SKP1: variants seen among roughly 807,000 people sequenced by gnomAD.
SKP1 encodes S-phase kinase-associated protein 1.
Under a neutral mutation model 21.5 loss-of-function variants are expected in SKP1, and 1 was observed. That is an observed-to-expected ratio of 0.05 (90% CI 0.02 to 0.22). The LOEUF (loss-of-function observed/expected upper bound fraction) is 0.22. Among genes scored for constraint, SKP1 ranks in the 10% least tolerant of loss-of-function variants. SKP1 has a pLI of 1.00. For missense variants in SKP1, 70 were observed against 192.0 expected, an observed-to-expected ratio of 0.36 and a Z score of 3.76; for synonymous variants, 59 against 59.3, an observed-to-expected ratio of 0.99 and a Z score of 0.03.
At chr5:134,157,797 T>A in intron 5 of SKP1, 29 bp from the exon 6 acceptor site, 1 of 1,613,036 alleles carries the variant, frequency 6.2e-7, no homozygotes, top group Non-Finnish European at 8.5e-7. Flanking sequence ...GGGAAGTACC[T>A]TAACTTGAGT....
chr5:134,157,873 G>C, intron 5 of SKP1, 105 bp from the exon 6 acceptor site: 3 of 1,605,184 alleles, frequency 1.9e-6, no homozygotes, highest in Non-Finnish European at 2.6e-6. Flanking sequence ...TGAGTCAGAA[G>C]AACAGATGGA....
At chr5:134,157,909 C>G (rs771107460) in intron 5 of SKP1, 141 bp from the exon 6 acceptor site, 1 of 1,569,594 alleles carries the variant, frequency 6.4e-7, no homozygotes, top group South Asian at 1.1e-5. Context: ...CAGGTTAAGA[C>G]TATATTTCCG....
intron 5 of SKP1, chr5:134,158,131 C>A: frequency 7.3e-7 from 1 of 1,377,848 alleles, no homozygotes; most frequent in Non-Finnish European, 9.4e-7. Context: ...CTAGTATATA[C>A]TTCTCTCTAG....
At chr5:134,164,944 C>T (rs902482317) in intron 3 of SKP1, among the ~76,000 whole-genome samples, 11 of 151,476 alleles carry the variant, frequency 7.3e-5, no homozygotes, top group African/African-American at 2.7e-4. Context: ...TACAAAAGGA[C>T]TAATATTGTA....
Position 134,150,866 on chromosome 5 carries a change from G to A in SKP1, c.*6867C>T, listed in dbSNP as rs80343491. ...GTGAGCATCTGAAAATACTCAAAAC[G>A]GCACCGAGTTTGAAAACAGGAAACA... On this transcript the variant is annotated 3_prime_UTR_variant, in exon 6 of 6. Coordinates refer to ENST00000353411, the MANE Select transcript of SKP1 (RefSeq NM_170679.3). The A allele has an allele frequency of 2.0e-5, 3 of 152,258 alleles. No individual in the cohort carries two copies. Among genetic ancestry groups the A allele is most frequent in the South Asian group, 2.1e-4 (1 of 4,824 alleles). The allele number at this position is 152,258 out of a possible 1,614,324, so 9.4% of individuals were successfully genotyped here.
chr5:134,168,359 T>C (rs1761373012), intron 2 of SKP1, among the ~76,000 whole-genome samples: 1 of 151,948 alleles, frequency 6.6e-6, no homozygotes, highest in Admixed American at 6.6e-5. Context: ...ACACTAAAAA[T>C]ACTAAAAATG....
rs201893651 is a variant in SKP1 at position 134,174,019 on chromosome 5, G to T, written c.4C>A (p.Pro2Thr). 1.9e-6 allele frequency: 3 copies of T among 1,579,316 alleles called. No individual in the cohort carries two copies. Among genetic ancestry groups the T allele is most frequent in the Non-Finnish European group, 2.6e-6 (3 of 1,151,106 alleles). The change falls in exon 2 of 6, where the codon CCT (proline) becomes ACT (threonine). Residue 2 changes from proline to threonine, a missense_variant. Around this residue, in one of 4 missense-constraint regions of SKP1, gnomAD observed 21 missense variants for 23.4 expected, o/e 0.90. Coordinates refer to ENST00000353411, the MANE Select transcript of SKP1 (RefSeq NM_170679.3). Reference sequence around the variant, plus strand: ...TCAGAACTCTGCAACTTAATTGAAGGCATCTAAAAAAAAAGGACATTAAAT... The same window carrying T: ...TCAGAACTCTGCAACTTAATTGAAGTCATCTAAAAAAAAAGGACATTAAAT... M[P>T]SIKLQSSDGE... is the part of the protein sequence containing the mutation.
intron 1 of SKP1, chr5:134,174,866 ATTCT>A (rs1761508943): frequency 6.6e-6 from 1 of 152,116 alleles, no homozygotes; most frequent in Non-Finnish European, 1.5e-5. Context: ...CCATCTTCAA[ATTCT>A]TTTTTTAAAA....
At chr5:134,173,453 T>G (rs1248723629) in intron 2 of SKP1, 3 of 292,466 alleles carry the variant, frequency 1.0e-5, no homozygotes, top group Non-Finnish European at 2.0e-5. Flanking sequence ...ACTGCATCAC[T>G]GCACTCCAGC....
In SKP1 at chr5:134,150,965, CTCTTA is replaced by C. The variant is rs1204436875; in HGVS notation, c.*6763_*6767del. 1.3e-5 allele frequency: 2 copies of C among 152,318 alleles called. No homozygotes were observed. Among genetic ancestry groups the C allele is most frequent in the African/African-American group, 4.8e-5 (2 of 41,564 alleles). The allele number at this position is 152,318 out of a possible 1,614,324, so 9.4% of individuals were successfully genotyped here. ...GCTCAGGTCAGGAAGGATTTTCAAG[CTCTTA>C]AAGATAGCATGGGATTAGGCATGTT... On this transcript the variant is annotated 3_prime_UTR_variant, in exon 6 of 6. Coordinates refer to ENST00000353411, the MANE Select transcript of SKP1 (RefSeq NM_170679.3).
rs1290253981 is a variant in SKP1, at chr5:134,152,865, C to T, written c.*4868G>A. On this transcript the variant is annotated 3_prime_UTR_variant, in exon 6 of 6. Coordinates refer to ENST00000353411, the MANE Select transcript of SKP1 (RefSeq NM_170679.3). ...CAGGAACATTTTTATTAGAGTTATC[C>T]ACTCCCTCCCAGCAGTATTTATGCC... 1 of 152,256 alleles carries T rather than the reference C, an allele frequency of 6.6e-6. No homozygotes were observed. Among genetic ancestry groups the T allele is most frequent in the African/African-American group, 2.4e-5 (1 of 41,412 alleles). The allele number at this position is 152,256 out of a possible 1,614,324, so 9.4% of individuals were successfully genotyped here. A position where few individuals can be genotyped will look rare whatever the true frequency, so the allele number is the denominator to read the frequency against.
chr5:134,162,168 C>T lies in SKP1; in HGVS notation c.172-1038G>A, dbSNP rs1041786410. Among the ~76,000 whole-genome samples, 5 of 152,120 alleles carry T rather than the reference C, an allele frequency of 3.3e-5. No homozygotes were observed. In the East Asian group the frequency reaches 5.8e-4, roughly 18 times the overall value. On this transcript the variant is annotated intron_variant, in intron 3 of 5. Transcript: ENST00000353411. ...TGTCACCCAGGCTGGAATGCAGTGCCGCGATCATGGCTCACTCGACCTCCT... is the reference window on the plus strand; with the variant it reads ...TGTCACCCAGGCTGGAATGCAGTGCTGCGATCATGGCTCACTCGACCTCCT...
Position 134,151,754 on chromosome 5 carries a change from C to T in SKP1, c.*5979G>A, listed in dbSNP as rs1418018482. On this transcript the variant is annotated 3_prime_UTR_variant, in exon 6 of 6. Coordinates refer to ENST00000353411, the MANE Select transcript of SKP1 (RefSeq NM_170679.3). ...TACATTCCTCCCATAGAATGCTGCT[C>T]AATACTGGCACACAGACCAGAGGTA... 4 of 454,096 alleles carry T rather than the reference C, an allele frequency of 8.8e-6. No homozygotes were observed. The East Asian group carries it at 2.8e-4, about 32-fold the overall frequency. 28.1% of individuals were successfully genotyped at this position (454,096 alleles called of 1,614,324 possible).
intron 2 of SKP1, among the ~76,000 whole-genome samples, chr5:134,168,500 A>G (rs369163534): frequency 7.7e-4 from 118 of 152,340 alleles, no homozygotes; most frequent in Non-Finnish European, 1.0e-3. Flanking sequence ...CCGAATAAAA[A>G]CAGAAATACA....
chr5:134,151,640 A>ATTTC lies in SKP1; in HGVS notation c.*6092_*6093insGAAA. The ATTTC allele has an allele frequency of 2.2e-6, 1 of 456,136 alleles. No homozygotes were observed. Among genetic ancestry groups the ATTTC allele is most frequent in the East Asian group, 6.9e-5 (1 of 14,402 alleles). 28.3% of individuals were successfully genotyped at this position (456,136 alleles called of 1,614,324 possible). ...AAGAGATATCAGAAGGTCTGAATATACTTAAATACTTCCAGAAAATTTAAA... is the reference window on the plus strand; with the variant it reads ...AAGAGATATCAGAAGGTCTGAATATATTTCCTTAAATACTTCCAGAAAATTTAAA... On this transcript the variant is annotated 3_prime_UTR_variant, in exon 6 of 6. Transcript: ENST00000353411.
rs987967151 is a variant in SKP1 at position 134,150,551 on chromosome 5, T to G, written c.*7182A>C. On this transcript the variant is annotated 3_prime_UTR_variant, in exon 6 of 6. Transcript: ENST00000353411. ...AATTTAAGACCCAAATCTAGTTAAT[T>G]GTATAAAAAGGCTAAGTTGGCTTTT... 2.6e-5 allele frequency: 4 copies of G among 152,176 alleles called. No homozygotes were observed. The highest frequency in any genetic ancestry group is 4.4e-5 in the Non-Finnish European group (3 of 68,038). The allele number at this position is 152,176 out of a possible 1,614,324, so 9.4% of individuals were successfully genotyped here. A position where few individuals can be genotyped will look rare whatever the true frequency, so the allele number is the denominator to read the frequency against.
chr5:134,157,579 A>C lies in SKP1; in HGVS notation c.*154T>G. On this transcript the variant is annotated 3_prime_UTR_variant, in exon 6 of 6. Coordinates refer to ENST00000353411, the MANE Select transcript of SKP1 (RefSeq NM_170679.3). ...GCCGTAAGGTTTGGGATCTGTGCTC[A>C]AACTACACATGCAATGAGGACAATA... is the stretch of plus-strand genomic sequence containing the variant. The C allele has an allele frequency of 1.4e-6, 1 of 703,006 alleles. No homozygotes were observed. The highest frequency in any genetic ancestry group is 2.7e-5 in the East Asian group (1 of 37,394). The allele number at this position is 703,006 out of a possible 1,614,324, so 43.5% of individuals were successfully genotyped here.
At chr5:134,165,374 G>T (rs1761309173) in intron 3 of SKP1, among the ~76,000 whole-genome samples, 1 of 152,060 alleles carries the variant, frequency 6.6e-6, no homozygotes, top group South Asian at 2.1e-4. Flanking sequence ...CAGATCGCCT[G>T]AGGTGAGGAG....
intron 1 of SKP1, among the ~76,000 whole-genome samples, chr5:134,176,411 A>C (rs1761547176): frequency 6.6e-6 from 1 of 152,074 alleles, no homozygotes; most frequent in Non-Finnish European, 1.5e-5. Flanking sequence ...CCACAACAAA[A>C]GCCAGACACC....
Sources: gnomAD v4.1 joint callset for allele counts (sites outside exome capture counted in the v4.1 genomes callset) on GRCh38, gnomAD v4.1.1 for gene constraint, gnomAD v4.1.1 regional missense constraint, MANE v1.5 for transcripts, NCBI Gene and HGNC (gene_info 2026-07-23, HGNC 2026-07-21) for gene names.